DHX8: variants seen among roughly 807,000 people sequenced by gnomAD.
The protein encoded by DHX8 is DEAH-box helicase 8.
DHX8 carries 67 observed loss-of-function variants against 140.7 expected under a neutral mutation model. The ratio of observed to expected loss-of-function variants is 0.48; its 90% CI spans 0.39 to 0.58. The LOEUF (loss-of-function observed/expected upper bound fraction) is 0.58, where lower values mean the gene tolerates loss of function less well. Ranked by LOEUF, DHX8 falls within the 20% of genes least tolerant of loss-of-function variation. The probability of loss-of-function intolerance (pLI) is 0.00; values close to 1 mark genes in which losing one functional copy is unlikely to be tolerated. For synonymous variants in DHX8, 533 were observed against 553.2 expected (o/e 0.96, Z 0.51); for missense variants, 887 against 1,550.7 (o/e 0.57, Z 7.19).
rs1035047116 is a variant in DHX8, at chr17:43,513,490, G to A, written c.2631G>A (p.Thr877=). 18 of 1,613,548 alleles carry A rather than the reference G, an allele frequency of 1.1e-5. No homozygotes were observed. The highest frequency in any genetic ancestry group is 4.4e-5 in the South Asian group (4 of 91,012). The change falls in exon 17 of 23, where the codon ACG becomes ACA. Residue 877 remains threonine (T), a synonymous_variant. Transcript: ENST00000262415. The stretch of plus-strand genomic sequence containing the variant: ...CAGGGATTGACCAGCTCGTGGTGAC[G>A]CCTATTTCTCAGGTATGACGGCTTG... ...SKTGIDQLVV[T]PISQAQAKQR...
chr17:43,526,667 T>TCTCAG (rs1274203627), downstream of DHX8: 14 of 1,527,052 alleles, frequency 9.2e-6, no homozygotes, highest in African/African-American at 1.4e-5. Flanking sequence ...GGATGCTGCT[T>TCTCAG]CTCAGCTAAC....
chr17:43,526,438 G>T (rs761375010), downstream of DHX8: 44 of 1,533,108 alleles, frequency 2.9e-5, no homozygotes, highest in Non-Finnish European at 4.4e-6. Context: ...AGGCTCCTCG[G>T]TCCAGGTTTA....
At chr17:43,513,547 G>A in intron 17 of DHX8, 45 bp downstream of exon 17, 1 of 1,587,236 alleles carries the variant, frequency 6.3e-7, no homozygotes. Flanking sequence ...TCCTGATTAG[G>A]GCCTTTCTGA....
intron 16 of DHX8, among the ~76,000 whole-genome samples, chr17:43,512,481 T>TGA (rs1338938055): frequency 6.7e-6 from 1 of 149,234 alleles, no homozygotes; most frequent in Non-Finnish European, 1.5e-5. Context: ...GGAAGAAGGG[T>TGA]GAGGGAAGTC....
At chr17:43,496,964 T>C (rs533964281) in intron 9 of DHX8, among the ~76,000 whole-genome samples, 1 of 152,304 alleles carries the variant, frequency 6.6e-6, no homozygotes, top group African/African-American at 2.4e-5. Flanking sequence ...TATGATAGAA[T>C]TCTCTAACTT....
chr17:43,528,188 G>A, downstream of DHX8: 1 of 268,996 alleles, frequency 3.7e-6, no homozygotes, highest in Non-Finnish European at 7.0e-6. Flanking sequence ...CGCCTTCTCT[G>A]TCCCCCAGAA....
chr17:43,486,627 TCCCAGCACTTTGGGAGGCCAAGG>T (rs1034039504), intron 1 of DHX8, among the ~76,000 whole-genome samples: 1 of 152,062 alleles, frequency 6.6e-6, no homozygotes, highest in African/African-American at 2.4e-5. Context: ...ACACATGTAA[TCCCAGCACTTTGGGAGGCCAAGG>T]CGGGTGGATC....
At chr17:43,528,779 G>C (rs1970722237), downstream of DHX8, 1 of 1,579,790 alleles carries the variant, frequency 6.3e-7, no homozygotes, top group Non-Finnish European at 8.7e-7. Context: ...AGCCTGGCTA[G>C]CCGCCCAGCC....
chr17:43,499,476 GTTC>G (rs1218007847), intron 10 of DHX8, among the ~76,000 whole-genome samples: 2 of 152,204 alleles, frequency 1.3e-5, no homozygotes, highest in Non-Finnish European at 2.9e-5. Flanking sequence ...CTTCTGCGGT[GTTC>G]TTCTCATATG....
intron 16 of DHX8, among the ~76,000 whole-genome samples, chr17:43,511,356 C>G (rs1463865005): frequency 1.3e-5 from 2 of 150,284 alleles, no homozygotes; most frequent in Non-Finnish European, 3.0e-5. Flanking sequence ...ACATAGGAGT[C>G]ATTTTCACTT....
At chr17:43,526,649 C>T (rs895031567), downstream of DHX8, 3 of 1,529,976 alleles carry the variant, frequency 2.0e-6, no homozygotes, top group Non-Finnish European at 2.6e-6. Context: ...GGAGACCTTT[C>T]TTTCCCTGGA....
chr17:43,537,982 T>C (rs1971331996), intron 3 of DHX8, among the ~76,000 whole-genome samples: 1 of 151,802 alleles, frequency 6.6e-6, no homozygotes, highest in African/African-American at 2.4e-5. Flanking sequence ...CAAAAAAAAT[T>C]AGCCGGGTGT....
rs78314268 is a variant in DHX8 at position 43,499,041 on chromosome 17, G to A, written c.1398+82G>A. ...TAATGGGTCAGGTTATTAGATCTGC[G>A]TAAGTAGAACTTGGGCCACAGAAAG... On this transcript the variant is annotated intron_variant, in intron 10 of 22. Coordinates refer to ENST00000262415, the MANE Select transcript of DHX8 (RefSeq NM_004941.3). 3.9e-4 allele frequency: 400 copies of A among 1,038,598 alleles called. 4 individuals carry two copies. In the African/African-American group the frequency reaches 5.7e-3, roughly 15 times the overall value. 64.3% of individuals were successfully genotyped at this position (1,038,598 alleles called of 1,614,324 possible). A position where few individuals can be genotyped will look rare whatever the true frequency, so the allele number is the denominator to read the frequency against.
rs56357945 is a variant in DHX8, at chr17:43,536,323, G to T, written c.351-89G>T. The T allele has an allele frequency of 0.25, 267,301 of 1,058,838 alleles. 34,598 individuals are homozygous for T. The highest frequency in any genetic ancestry group is 0.36 in the East Asian group (15,164 of 42,180). The allele number at this position is 1,058,838 out of a possible 1,614,324, so 65.6% of individuals were successfully genotyped here. On this transcript the variant is annotated intron_variant, in intron 2 of 3. Coordinates refer to the DHX8 transcript ENST00000589898. ...GGTCTTTAAGATCAAACCCCACTGT[G>T]TTTTAGGAGAGAACAAGCTGCTCTC...
chr17:43,520,392 G>A (rs574117255), intron 19 of DHX8, 125 bp downstream of exon 19: 5 of 1,217,632 alleles, frequency 4.1e-6, no homozygotes, highest in Middle Eastern at 2.9e-4. Context: ...CTAAATGTTT[G>A]TTTTTAACCT....
chr17:43,521,254 T>C, intron 20 of DHX8, 115 bp from the exon 21 acceptor site: 1 of 847,752 alleles, frequency 1.2e-6, no homozygotes, highest in East Asian at 2.7e-5. Context: ...TGAGCCATCA[T>C]GCCTAGCCTG....
downstream of DHX8, chr17:43,526,535 A>G (rs753151171): frequency 3.1e-5 from 47 of 1,535,506 alleles, no homozygotes; most frequent in South Asian, 1.8e-4. Context: ...TAGCTGTCTC[A>G]TTGGAGCAGT....
rs761708865 is a variant in DHX8 at position 43,492,894 on chromosome 17, C to T, written c.717C>T (p.Asp239=). The change falls in exon 6 of 23, where the codon GAC becomes GAT. Residue 239 remains aspartate (D), a synonymous_variant. Coordinates refer to ENST00000262415, the MANE Select transcript of DHX8 (RefSeq NM_004941.3). ...QSPPKDRKDR[D]KYGERNLDRW... ...CCCCCAAAGACCGGAAGGACCGGGA[C>T]AAATATGGAGAGCGGAATCTGGATA... The T allele has an allele frequency of 5.0e-6, 8 of 1,614,182 alleles. No homozygotes were observed. In the Admixed American group the frequency reaches 1.3e-4, roughly 27 times the overall value.
At chr17:43,518,571 C>T (rs982101984) in intron 18 of DHX8, 2 of 142,390 alleles carry the variant, frequency 1.4e-5, no homozygotes, top group Non-Finnish European at 3.1e-5. Flanking sequence ...AGTTGGTAGA[C>T]TATATTATTA....
Sources: gnomAD v4.1 joint callset for allele counts (sites outside exome capture counted in the v4.1 genomes callset) on GRCh38, gnomAD v4.1.1 for gene constraint, MANE v1.5 for transcripts, NCBI Gene and HGNC (gene_info 2026-07-23, HGNC 2026-07-21) for gene names.